PGS1: variants seen among roughly 807,000 people sequenced by gnomAD.
PGS1 encodes the protein CDP-diacylglycerol--glycerol-3-phosphate 3-phosphatidyltransferase, mitochondrial.
PGS1 carries 44 observed loss-of-function variants against 58.3 expected under a neutral mutation model. The observed-to-expected ratio is 0.75, with a 90% CI of 0.59 to 0.97. The LOEUF (loss-of-function observed/expected upper bound fraction) is 0.97, where lower values mean the gene tolerates loss of function less well. Ranked by LOEUF, PGS1 falls within the 50% of genes least tolerant of loss-of-function variation. The pLI is 0.00. For synonymous variants in PGS1, 330 were observed against 311.0 expected, an observed-to-expected ratio of 1.06 and a Z score of -0.64; for missense variants, 684 against 731.1, an observed-to-expected ratio of 0.94 and a Z score of 0.74.
At chr17:78,385,894 C>T in intron 1 of PGS1, among the ~76,000 whole-genome samples, 1 of 152,216 alleles carries the variant, frequency 6.6e-6, no homozygotes, top group Admixed American at 6.5e-5. Flanking sequence ...GCTAAGCAGG[C>T]TTCCCTCTCC....
rs1567975156 is a variant in PGS1, at chr17:78,403,556, CG to C, written c.881-11del. 1.2e-6 allele frequency: 2 copies of C among 1,605,096 alleles called. No individual in the cohort carries two copies. Reference sequence around the variant, plus strand: ...TTCTCTTCCCTTCACTCTTCTTTCACGTCTTCCCCAGGGGACCGGGCCGAGT... The same window carrying C: ...TTCTCTTCCCTTCACTCTTCTTTCACTCTTCCCCAGGGGACCGGGCCGAGT... On this transcript the variant is annotated splice_polypyrimidine_tract_variant and intron_variant, in intron 6 of 9. Coordinates refer to ENST00000262764, the MANE Select transcript of PGS1 (RefSeq NM_024419.5).
chr17:78,419,659 C>T lies in PGS1; in HGVS notation c.1665C>T (p.Phe555=), dbSNP rs766254325. 52 of 1,613,870 alleles carry T rather than the reference C, an allele frequency of 3.2e-5. No individual in the cohort carries two copies. The highest frequency in any genetic ancestry group is 1.8e-4 in the South Asian group (16 of 91,076). Residue 555 remains phenylalanine, a synonymous_variant, in exon 9 of 10, where the codon TTC becomes TTT. Coordinates refer to ENST00000262764, the MANE Select transcript of PGS1 (RefSeq NM_024419.5). ...VKMVTPLIKN[F]F Reference sequence around the variant, plus strand: ...TGGTGACTCCACTGATCAAGAACTTCTTCTGAGGACAGACAGGTGCTGTCT... The same window carrying T: ...TGGTGACTCCACTGATCAAGAACTTTTTCTGAGGACAGACAGGTGCTGTCT...
At chr17:78,414,850 C>A (rs1598379113) in intron 7 of PGS1, 29 bp from the exon 8 acceptor site, 1 of 1,611,420 alleles carries the variant, frequency 6.2e-7, no homozygotes, top group East Asian at 2.2e-5. Context: ...GTGCTCATTT[C>A]CTGTCTGCAC....
chr17:78,409,031 G>A (rs1023241202), intron 7 of PGS1, among the ~76,000 whole-genome samples: 1 of 152,220 alleles, frequency 6.6e-6, no homozygotes, highest in Non-Finnish European at 1.5e-5. Flanking sequence ...CAGTAAGCTC[G>A]CTTCGAGGTC....
At chr17:78,397,508 CT>C (rs1472998134) in intron 3 of PGS1, among the ~76,000 whole-genome samples, 44 of 152,086 alleles carry the variant, frequency 2.9e-4, no homozygotes, top group African/African-American at 1.0e-3. Flanking sequence ...GCGATCTCGG[CT>C]TGCCGCAACC....
At chr17:78,422,930 T>C (rs1044066989) in intron 9 of PGS1, among the ~76,000 whole-genome samples, 5 of 151,950 alleles carry the variant, frequency 3.3e-5, no homozygotes, top group Admixed American at 6.6e-5. Flanking sequence ...ACCCCATCTC[T>C]ACTAAAAATA....
chr17:78,399,496 C>T lies in PGS1; in HGVS notation c.660C>T (p.His220=). The T allele has an allele frequency of 1.9e-6, 3 of 1,614,208 alleles. No individual in the cohort carries two copies. Among genetic ancestry groups the T allele is most frequent in the Non-Finnish European group, 2.5e-6 (3 of 1,180,050 alleles). ...TCAACGAGACCATCGGCCTCCAGCA[C>T]ATTAAGGTGTACCTCTTCGACAACA... ...ERFNETIGLQ[H]IKVYLFDNSV... is the part of the protein sequence containing the mutation. Residue 220 remains histidine (H), a synonymous_variant, in exon 5 of 10, where the codon CAC becomes CAT. Coordinates refer to ENST00000262764, the MANE Select transcript of PGS1 (RefSeq NM_024419.5).
At chr17:78,381,426 G>T (rs1481026640) in intron 1 of PGS1, among the ~76,000 whole-genome samples, 1 of 152,152 alleles carries the variant, frequency 6.6e-6, no homozygotes, top group African/African-American at 2.4e-5. Flanking sequence ...TGGTAGTGTA[G>T]GTTTCTGAGC....
chr17:78,394,545 T>C (rs1489688456), intron 2 of PGS1, among the ~76,000 whole-genome samples: 1 of 152,026 alleles, frequency 6.6e-6, no homozygotes, highest in Non-Finnish European at 1.5e-5. Flanking sequence ...AAACAGGTTT[T>C]TCTTTTCTTT....
Position 78,378,781 on chromosome 17 carries a change from G to T in PGS1, c.116G>T (p.Gly39Val), listed in dbSNP as rs1258176287. 15 of 1,485,828 alleles carry T rather than the reference G, an allele frequency of 1.0e-5. No homozygotes were observed. The South Asian group carries it at 1.5e-4, about 15-fold the overall frequency. 92.0% of individuals were successfully genotyped at this position (1,485,828 alleles called of 1,614,324 possible). A position where few individuals can be genotyped will look rare whatever the true frequency, so the allele number is the denominator to read the frequency against. Residue 39 changes from glycine (G) to valine (V), a missense_variant, in exon 1 of 10, where the codon GGC becomes GTC. Physicochemically the swap from Gly to Val is moderately radical, Grantham distance 109. Transcript: ENST00000262764. ...ALLGRLSDRL[G>V]RNRDRQRRRS... ...CTGGGACGCCTGTCCGACCGCCTCG[G>T]CAGGAACCGGGACCGCCAGCGCAGG...
At chr17:78,420,277 C>T (rs2085594766) in intron 9 of PGS1, 1 of 961,162 alleles carries the variant, frequency 1.0e-6, no homozygotes, top group South Asian at 4.8e-5. Context: ...CCAGGAGGGG[C>T]CTGCCGCTTC....
At chr17:78,391,779 GC>G (rs1179140481) in intron 1 of PGS1, among the ~76,000 whole-genome samples, 4 of 151,992 alleles carry the variant, frequency 2.6e-5, no homozygotes, top group African/African-American at 9.7e-5. Flanking sequence ...CACCCAGCCT[GC>G]CCAGCTAATT....
chr17:78,387,598 CTTTT>C (rs34252361), intron 1 of PGS1, among the ~76,000 whole-genome samples: 1 of 104,262 alleles, frequency 9.6e-6, no homozygotes, highest in Non-Finnish European at 1.9e-5. Flanking sequence ...CGCGCCCAGC[CTTTT>C]TTTTTTTTTT....
At chr17:78,388,718 C>G (rs2082587911) in intron 1 of PGS1, among the ~76,000 whole-genome samples, 1 of 152,162 alleles carries the variant, frequency 6.6e-6, no homozygotes, top group Non-Finnish European at 1.5e-5. Flanking sequence ...TGTTTGAATC[C>G]TACCAGCTTT....
At chr17:78,410,752 T>G (rs114988779) in intron 7 of PGS1, among the ~76,000 whole-genome samples, 6,093 of 152,042 alleles carry the variant, frequency 0.04, 398 homozygotes, top group African/African-American at 0.14. Flanking sequence ...GATTACGGGG[T>G]TGAGCCACTG....
chr17:78,386,909 C>T (rs931690528), intron 1 of PGS1, among the ~76,000 whole-genome samples: 2 of 152,100 alleles, frequency 1.3e-5, no homozygotes, highest in African/African-American at 2.4e-5. Flanking sequence ...CAAGAACTGG[C>T]TCCTTCTGTC....
At chr17:78,384,462 G>A (rs959646337) in intron 1 of PGS1, among the ~76,000 whole-genome samples, 6 of 152,172 alleles carry the variant, frequency 3.9e-5, no homozygotes, top group African/African-American at 1.4e-4. Flanking sequence ...GGTAGGGTGA[G>A]TTGTTCTCAA....
chr17:78,382,308 C>G (rs905179057), intron 1 of PGS1, among the ~76,000 whole-genome samples: 6 of 152,072 alleles, frequency 3.9e-5, no homozygotes, highest in Non-Finnish European at 7.4e-5. Flanking sequence ...TTCTGAGATT[C>G]CATGTATGAT....
At chr17:78,414,857 G>A in intron 7 of PGS1, 22 bp from the exon 8 acceptor site, 1 of 1,613,022 alleles carries the variant, frequency 6.2e-7, no homozygotes, top group Non-Finnish European at 8.5e-7. Context: ...TTTCCTGTCT[G>A]CACGTTTCCT....
Sources: allele counts gnomAD v4.1 joint callset (sites outside exome capture counted in the v4.1 genomes callset), GRCh38; gene constraint gnomAD v4.1.1; transcripts MANE v1.5; gene names NCBI Gene and HGNC (gene_info 2026-07-23, HGNC 2026-07-21).